CEP350: variants seen among roughly 807,000 people sequenced by gnomAD.
The protein encoded by CEP350 is centrosomal protein 350.
CEP350 carries 126 observed loss-of-function variants against 331.8 expected under a neutral mutation model. The observed-to-expected ratio is 0.38, with a 90% CI of 0.33 to 0.44. CEP350 has a LOEUF of 0.44. CEP350 is among the 20% of genes least tolerant of loss of function. The pLI is 1.00. For missense variants in CEP350, 3,406 were observed against 3,634.6 expected, an observed-to-expected ratio of 0.94 and a Z score of 1.62; for synonymous variants, 1,200 against 1,259.5, an observed-to-expected ratio of 0.95 and a Z score of 1.00.
intron 31 of CEP350, 79 bp from the exon 32 acceptor site, chr1:180,087,499 C>T: frequency 1.6e-6 from 2 of 1,289,266 alleles, no homozygotes; most frequent in Non-Finnish European, 2.1e-6. Context: ...AGCATTTTAC[C>T]TTAAAATATA....
chr1:180,065,781 C>T (rs973563682), intron 27 of CEP350, among the ~76,000 whole-genome samples: 2 of 151,884 alleles, frequency 1.3e-5, no homozygotes, highest in Non-Finnish European at 2.9e-5. Context: ...AGTATCTGCA[C>T]ATGTACCCAT....
At position 180,113,585 on chromosome 1, in the gene CEP350, G is replaced by A. The variant is rs920978485; in HGVS notation, c.*2424G>A. Reference sequence around the variant, plus strand: ...TTTGGTAGCAAAAAAAAAGAAAAAAGAATCCATAATTAGCAGATTTCTTAT... The same window carrying A: ...TTTGGTAGCAAAAAAAAAGAAAAAAAAATCCATAATTAGCAGATTTCTTAT... On this transcript the variant is annotated 3_prime_UTR_variant, in exon 38 of 38. Coordinates refer to ENST00000367607, the MANE Select transcript of CEP350 (RefSeq NM_014810.5). The A allele has an allele frequency of 6.6e-6, 1 of 151,726 alleles. No individual in the cohort carries two copies. The highest frequency in any genetic ancestry group is 2.1e-4 in the South Asian group (1 of 4,798). 9.4% of individuals were successfully genotyped at this position (151,726 alleles called of 1,614,324 possible).
rs201682307 is a variant in CEP350, at chr1:180,103,953, CA to C, written c.9189+4972del. ...ACAAATATATGTTTTAAAATATATA[CA>C]AAATATATACAAATATATATTTTAA... On this transcript the variant is annotated intron_variant, in intron 37 of 37. Transcript: ENST00000367607. 3.3e-3 allele frequency among the ~76,000 whole-genome samples: 461 copies of C among 140,446 alleles called. 1 individual carries two copies. Among genetic ancestry groups the C allele is most frequent in the South Asian group, 8.4e-3 (38 of 4,536 alleles). The allele number at this position is 140,446 out of a possible 152,430, so 92.1% of individuals were successfully genotyped here.
At chr1:180,055,265 A>G (rs1657745531) in intron 25 of CEP350, among the ~76,000 whole-genome samples, 1 of 152,150 alleles carries the variant, frequency 6.6e-6, no homozygotes, top group Non-Finnish European at 1.5e-5. Context: ...TAACTCTCTG[A>G]GACTTAATTT....
At position 179,967,099 on chromosome 1, in the gene CEP350, T is replaced by C. The variant is rs147163412; in HGVS notation, c.-14+11957T>C. Among the ~76,000 whole-genome samples the C allele has an allele frequency of 1.3e-3, 191 of 152,352 alleles. 6 individuals carry two copies. In the East Asian group the frequency reaches 0.024, roughly 19 times the overall value. The stretch of plus-strand genomic sequence containing the variant: ...CAGAGAGGCTTCTTAGACTATACTT[T>C]ATACAATAGATCATCTCTGAAAATG... On this transcript the variant is annotated intron_variant, in intron 1 of 37. Coordinates refer to ENST00000367607, the MANE Select transcript of CEP350 (RefSeq NM_014810.5).
intron 12 of CEP350, among the ~76,000 whole-genome samples, chr1:180,022,007 T>C (rs987512606): frequency 1.3e-5 from 2 of 152,188 alleles, no homozygotes; most frequent in African/African-American, 4.8e-5. Context: ...TCTTAGAATT[T>C]CCGGATTGGA....
chr1:180,080,669 T>C lies in CEP350; in HGVS notation c.6124+8T>C. 1 of 1,611,856 alleles carries C rather than the reference T, an allele frequency of 6.2e-7. No homozygotes were observed. Among genetic ancestry groups the C allele is most frequent in the Non-Finnish European group, 8.5e-7 (1 of 1,178,288 alleles). On this transcript the variant is annotated splice_region_variant and intron_variant, in intron 30 of 37. Coordinates refer to ENST00000367607, the MANE Select transcript of CEP350 (RefSeq NM_014810.5). ...TATCTATGACACAGTCAGGTAAGAC[T>C]AATCATGAGGAGTTTTTATTTGTGT...
In CEP350 at chr1:180,003,209, G is replaced by A; in HGVS notation, c.1054G>A (p.Asp352Asn). 1 of 1,613,416 alleles carries A rather than the reference G, an allele frequency of 6.2e-7. No homozygotes were observed. The highest frequency in any genetic ancestry group is 8.5e-7 in the Non-Finnish European group (1 of 1,179,614). ...TTCAGAGACCAAGATTCGAACACCT[G>A]ATGGGAAAGTGTGGCAGGAGGCTGA... ...NPSETKIRTP[D>N]GKVWQEAEFQ... Residue 352 changes from aspartate to asparagine, a missense_variant, in exon 7 of 38, where the codon GAT becomes AAT. Coordinates refer to ENST00000367607, the MANE Select transcript of CEP350 (RefSeq NM_014810.5).
chr1:179,967,345 T>C (rs1479597555), intron 1 of CEP350, among the ~76,000 whole-genome samples: 1 of 152,164 alleles, frequency 6.6e-6, no homozygotes, highest in African/African-American at 2.4e-5. Context: ...GCACCCTCCT[T>C]TTTAAAAACT....
chr1:180,083,738 G>A (rs1403509541), intron 30 of CEP350, among the ~76,000 whole-genome samples: 4 of 152,140 alleles, frequency 2.6e-5, no homozygotes, highest in South Asian at 2.1e-4. Context: ...CCAAGACAGC[G>A]TATCTCAAGA....
rs979773519 is a variant in CEP350, at chr1:179,970,313, A to G, written c.-14+15171A>G. On this transcript the variant is annotated intron_variant, in intron 1 of 37. Coordinates refer to ENST00000367607, the MANE Select transcript of CEP350 (RefSeq NM_014810.5). ...GTAGTTTTTGAGGTTTATATTTTAT[A>G]AGTAGAAACAGGTGAGACTAAATTC... 3.9e-5 allele frequency among the ~76,000 whole-genome samples: 6 copies of G among 152,238 alleles called. 1 individual carries two copies. Among genetic ancestry groups the G allele is most frequent in the Non-Finnish European group, 8.8e-5 (6 of 68,042 alleles).
At chr1:179,969,056 C>CTAAGCAATGGT (rs1651236695) in intron 1 of CEP350, 1 of 730,894 alleles carries the variant, frequency 1.4e-6, no homozygotes, top group South Asian at 1.4e-5. Flanking sequence ...TTAGGTTAAC[C>CTAAGCAATGGT]TACCTACCAT....
At chr1:179,999,603 A>G (rs962724286) in intron 6 of CEP350, among the ~76,000 whole-genome samples, 9 of 152,172 alleles carry the variant, frequency 5.9e-5, no homozygotes, top group Admixed American at 3.3e-4. Flanking sequence ...TAATAAATTC[A>G]TTTTGTTCGC....
At chr1:180,038,504 T>A (rs1005929356) in intron 17 of CEP350, among the ~76,000 whole-genome samples, 59 of 152,324 alleles carry the variant, frequency 3.9e-4, no homozygotes, top group African/African-American at 1.4e-3. Flanking sequence ...ACTCTTGTAA[T>A]ATATAGGAGA....
chr1:179,998,521 G>A (rs1315436851), intron 6 of CEP350, among the ~76,000 whole-genome samples: 2 of 151,862 alleles, frequency 1.3e-5, no homozygotes, highest in Non-Finnish European at 2.9e-5. Context: ...GGCCAGGCTG[G>A]TCTTGAACTC....
intron 3 of CEP350, among the ~76,000 whole-genome samples, chr1:179,989,121 T>A (rs2501619): frequency 0.72 from 108,983 of 151,864 alleles, 40,228 homozygotes; most frequent in Admixed American, 0.8. Flanking sequence ...TAATATATCA[T>A]AAATTATTCC....
chr1:179,958,176 C>G (rs928484474), intron 1 of CEP350, among the ~76,000 whole-genome samples: 1 of 151,716 alleles, frequency 6.6e-6, no homozygotes, highest in African/African-American at 2.4e-5. Flanking sequence ...TTTCATGAAT[C>G]CAAAGTGTTA....
In CEP350 at chr1:180,020,944, T is replaced by C. The variant is rs1406750744; in HGVS notation, c.3170T>C (p.Leu1057Ser). 2 of 1,601,300 alleles carry C rather than the reference T, an allele frequency of 1.2e-6. No homozygotes were observed. Among genetic ancestry groups the C allele is most frequent in the Non-Finnish European group, 1.7e-6 (2 of 1,176,926 alleles). Residue 1057 changes from leucine (L) to serine (S), a missense_variant, in exon 12 of 38, where the codon TTG becomes TCG. Leu to Ser is a moderately radical substitution (Grantham distance 145). Transcript: ENST00000367607. Reference sequence around the variant, plus strand: ...CAAAGCAAAGGACCATGGGAAGAATTGGCAAAGGGAAGTCCACATAGCGTC... The same window carrying C: ...CAAAGCAAAGGACCATGGGAAGAATCGGCAAAGGGAAGTCCACATAGCGTC... ...GTQSKGPWEE[L>S]AKGSPHSVIN...
chr1:180,044,094 C>T lies in CEP350; in HGVS notation c.4543C>T (p.Leu1515Phe), dbSNP rs1187014461. 1 of 1,558,264 alleles carries T rather than the reference C, an allele frequency of 6.4e-7. No homozygotes were observed. The highest frequency in any genetic ancestry group is 8.7e-7 in the Non-Finnish European group (1 of 1,150,054). ...VSLSQSKEGT[L>F]DSKHQKYSAS... is the part of the protein sequence containing the mutation. ...ACTCTCTCAGAGTAAAGAAGGGACC[C>T]TTGACTCAAAGCATCAGAAGTATTC... Residue 1515 changes from leucine to phenylalanine, a missense_variant, in exon 21 of 38, where the codon CTT becomes TTT. Physicochemically the swap from Leu to Phe is conservative, Grantham distance 22 (BLOSUM62 0). This residue lies in a region of CEP350 where 1,857 missense variants were observed against 1,909.2 expected (regional missense o/e 0.97). Transcript: ENST00000367607.
Sources: allele counts gnomAD v4.1 joint callset (sites outside exome capture counted in the v4.1 genomes callset), GRCh38; gene constraint gnomAD v4.1.1; regional missense constraint gnomAD v4.1.1; transcripts MANE v1.5; gene names NCBI Gene and HGNC (gene_info 2026-07-23, HGNC 2026-07-21).